Variants in SLCO1B3 observed in about 807,000 individuals in gnomAD.
SLCO1B3 encodes the protein liver-specific organic anion transporter 2.
In SLCO1B3, 72 loss-of-function variants were observed where a neutral mutation model predicts 71.8. The ratio of observed to expected loss-of-function variants is 1.00; its 90% CI spans 0.83 to 1.22. The LOEUF (loss-of-function observed/expected upper bound fraction) is 1.22, where lower values mean the gene tolerates loss of function less well. Among genes scored for constraint, SLCO1B3 ranks in the 50% most tolerant of loss-of-function variants. The probability of loss-of-function intolerance (pLI) is 0.00; values close to 1 mark genes in which losing one functional copy is unlikely to be tolerated. For missense variants in SLCO1B3, 911 were observed against 819.7 expected, an observed-to-expected ratio of 1.11 and a Z score of -1.36; for synonymous variants, 298 against 278.4, an observed-to-expected ratio of 1.07 and a Z score of -0.70.
chr12:20,816,585 T>TA (rs1204807140), intron 3 of SLCO1B3, among the ~76,000 whole-genome samples: 49 of 152,358 alleles, frequency 3.2e-4, no homozygotes, highest in African/African-American at 1.1e-3. Flanking sequence ...CACTTTTTTT[T>TA]ACGCATTCAT....
intron 12 of SLCO1B3, among the ~76,000 whole-genome samples, chr12:20,881,993 G>T (rs1270559780): frequency 6.6e-6 from 1 of 152,164 alleles, no homozygotes; most frequent in Non-Finnish European, 1.5e-5. Flanking sequence ...TTGAAGATAG[G>T]CTACAACTTT....
At chr12:20,903,721 A>T (rs1866174830) in intron 15 of SLCO1B3, among the ~76,000 whole-genome samples, 3 of 152,158 alleles carry the variant, frequency 2.0e-5, no homozygotes, top group African/African-American at 7.2e-5. Context: ...TTCCTTCTCC[A>T]ATTCAACATG....
At chr12:20,815,965 A>T (rs1864185514) in intron 3 of SLCO1B3, 143 bp downstream of exon 3, 1 of 491,014 alleles carries the variant, frequency 2.0e-6, no homozygotes. Flanking sequence ...TTAACAAAAT[A>T]ATCCCTATAT....
chr12:20,859,674 AT>A (rs1023414460), intron 5 of SLCO1B3, among the ~76,000 whole-genome samples: 1 of 151,842 alleles, frequency 6.6e-6, no homozygotes, highest in African/African-American at 2.4e-5. Context: ...TTAATATCTT[AT>A]TCTTCATTAT....
intron 3 of SLCO1B3, among the ~76,000 whole-genome samples, chr12:20,822,061 T>A (rs1864322992): frequency 6.6e-6 from 1 of 152,116 alleles, no homozygotes; most frequent in Non-Finnish European, 1.5e-5. Context: ...TGGTGAGATG[T>A]TTCTTGGGCT....
intron 3 of SLCO1B3, among the ~76,000 whole-genome samples, chr12:20,851,606 C>A (rs1798105785): frequency 6.6e-6 from 1 of 152,052 alleles, no homozygotes; most frequent in South Asian, 2.1e-4. Flanking sequence ...TTATTTTCTG[C>A]CATTCTATAG....
At chr12:20,836,664 T>C (rs544474780) in intron 3 of SLCO1B3, among the ~76,000 whole-genome samples, 47 of 152,178 alleles carry the variant, frequency 3.1e-4, no homozygotes, top group Non-Finnish European at 6.5e-4. Flanking sequence ...TTTTTTGAGA[T>C]GGAGTCTCGC....
At chr12:20,870,370 C>T (rs886167710) in intron 8 of SLCO1B3, among the ~76,000 whole-genome samples, 12 of 151,998 alleles carry the variant, frequency 7.9e-5, no homozygotes, top group Non-Finnish European at 1.8e-4. Flanking sequence ...GCTTTTATTG[C>T]CTGTGCTTTT....
chr12:20,831,356 CAAAAAAAAA>C (rs35410136), intron 3 of SLCO1B3, among the ~76,000 whole-genome samples: 4 of 91,206 alleles, frequency 4.4e-5, no homozygotes, highest in Non-Finnish European at 8.3e-5. Flanking sequence ...GACGCCATAT[CAAAAAAAAA>C]AAAAAAAAAA....
At chr12:20,814,100 A>G (rs1416246901) in intron 2 of SLCO1B3, among the ~76,000 whole-genome samples, 1 of 152,152 alleles carries the variant, frequency 6.6e-6, no homozygotes, top group East Asian at 1.9e-4. Flanking sequence ...ACATATACCT[A>G]TATCTATGTT....
At chr12:20,879,195 ACCCTTCTCTCTTTTTTTTTTTT>A (rs1865639058) in intron 10 of SLCO1B3, among the ~76,000 whole-genome samples, 1 of 125,616 alleles carries the variant, frequency 8.0e-6, no homozygotes, top group African/African-American at 2.9e-5. Context: ...CTAGTGTGCC[ACCCTTCTCTCTTTTTTTTTTTT>A]TTTTTTTTTG....
intron 8 of SLCO1B3, 137 bp from the exon 9 acceptor site, chr12:20,875,098 T>C: frequency 1.8e-6 from 2 of 1,108,238 alleles, no homozygotes; most frequent in Non-Finnish European, 2.7e-6. Context: ...AAGAAGAAAA[T>C]AGTGTTTTAG....
intron 3 of SLCO1B3, among the ~76,000 whole-genome samples, chr12:20,853,314 C>T (rs976836353): frequency 3.3e-5 from 5 of 151,842 alleles, no homozygotes; most frequent in African/African-American, 9.7e-5. Flanking sequence ...ATTGGTGTTA[C>T]TTATTCTTTA....
At chr12:20,877,744 G>T in intron 9 of SLCO1B3, 28 bp from the exon 10 acceptor site, 1 of 1,042,440 alleles carries the variant, frequency 9.6e-7, no homozygotes, top group South Asian at 2.9e-5. Flanking sequence ...TTTTATTATT[G>T]AAATATGTTA....
intron 5 of SLCO1B3, among the ~76,000 whole-genome samples, chr12:20,860,058 C>A (rs1865226329): frequency 6.6e-6 from 1 of 151,276 alleles, no homozygotes; most frequent in African/African-American, 2.4e-5. Flanking sequence ...CGGGTTCACA[C>A]CATTCTCCTG....
intron 4 of SLCO1B3, among the ~76,000 whole-genome samples, chr12:20,856,279 A>C (rs10841673): frequency 6.6e-6 from 1 of 151,992 alleles, no homozygotes; most frequent in Non-Finnish European, 1.5e-5. Flanking sequence ...CTTGAATCCT[A>C]TGACTGCAAA....
intron 3 of SLCO1B3, among the ~76,000 whole-genome samples, chr12:20,836,444 T>C (rs1864681215): frequency 6.6e-6 from 1 of 152,178 alleles, no homozygotes; most frequent in African/African-American, 2.4e-5. Flanking sequence ...ATGAGTGATA[T>C]TGGTCTACAT....
chr12:20,911,086 G>T (rs971487652), intron 15 of SLCO1B3, among the ~76,000 whole-genome samples: 4 of 151,932 alleles, frequency 2.6e-5, no homozygotes, highest in African/African-American at 9.7e-5. Context: ...AGAATTTTTG[G>T]TGTATATGTT....
Position 20,812,617 on chromosome 12 carries a change from T to C in SLCO1B3, c.-180-907T>C, listed in dbSNP as rs536874839. On this transcript the variant is annotated intron_variant, in intron 1 of 15. Transcript: ENST00000381545. ...TAAAAACTTGGATTCATTTAGGCTG[T>C]GAAGACCCTCAAATAGGAAGTGTAA... Among the ~76,000 whole-genome samples, 9 of 152,318 alleles carry C rather than the reference T, an allele frequency of 5.9e-5. No individual in the cohort carries two copies. The South Asian group carries it at 1.9e-3, about 32-fold the overall frequency.
Sources: gnomAD v4.1 joint callset for allele counts (sites outside exome capture counted in the v4.1 genomes callset) on GRCh38, gnomAD v4.1.1 for gene constraint, MANE v1.5 for transcripts, NCBI Gene and HGNC (gene_info 2026-07-23, HGNC 2026-07-21) for gene names.